STK36: variants seen among roughly 807,000 people sequenced by gnomAD.
The protein encoded by STK36 is serine/threonine kinase 36.
A neutral mutation model predicts 142.2 loss-of-function variants in STK36; 116 were observed. The observed-to-expected ratio is 0.82, with a 90% CI of 0.70 to 0.95. STK36 has a LOEUF of 0.95. Among genes scored for constraint, STK36 ranks in the 40% least tolerant of loss-of-function variants. The pLI, the probability that STK36 is intolerant of heterozygous loss-of-function variation, is 0.00. For missense variants in STK36, 1,422 were observed against 1,617.2 expected, an observed-to-expected ratio of 0.88 and a Z score of 2.07; for synonymous variants, 619 against 641.7, an observed-to-expected ratio of 0.96 and a Z score of 0.53.
intron 10 of STK36, among the ~76,000 whole-genome samples, chr2:218,683,501 C>T (rs1469904207): frequency 1.3e-5 from 2 of 152,262 alleles, no homozygotes; most frequent in Middle Eastern, 3.4e-3. Flanking sequence ...TCTCGAACTC[C>T]TGACCTTGTG....
At position 218,679,608 on chromosome 2, in the gene STK36, G is replaced by A. The variant is rs144827149; in HGVS notation, c.827G>A (p.Arg276His). The part of the protein sequence containing the change: ...GPDLGTPFTS[R>H]LPPELQVLKD... ...GATTTGGGGACCCCATTCACCAGCC[G>A]CCTACCCCCAGAACTTCAGGTCCTA... Residue 276 changes from arginine to histidine, a missense_variant, in exon 8 of 27, where the codon CGC (arginine) becomes CAC (histidine). Coordinates refer to ENST00000295709, the MANE Select transcript of STK36 (RefSeq NM_015690.5). 103 of 1,613,926 alleles carry A rather than the reference G, an allele frequency of 6.4e-5. 1 individual carries two copies. The highest frequency in any genetic ancestry group is 3.7e-4 in the South Asian group (34 of 91,070).
At chr2:218,679,119 C>CT (rs754646375) in intron 6 of STK36, 49 bp from the exon 7 acceptor site, 1 of 1,568,824 alleles carries the variant, frequency 6.4e-7, no homozygotes, top group South Asian at 1.1e-5. Flanking sequence ...TAGAGAGAGA[C>CT]TTAAGGGAAG....
At chr2:218,696,646 C>T (rs1299843787) in intron 22 of STK36, 45 bp downstream of exon 22, 1 of 1,598,048 alleles carries the variant, frequency 6.3e-7, no homozygotes, top group Admixed American at 1.7e-5. Context: ...GAGAGAGGAA[C>T]TGGGCATTTT....
chr2:218,673,331 T>A, intron 2 of STK36: 1 of 430,272 alleles, frequency 2.3e-6, no homozygotes, highest in Non-Finnish European at 4.1e-6. Context: ...CCTCTTCATT[T>A]TTTTTTTCCT....
Position 218,694,353 on chromosome 2 carries a change from C to G in STK36, c.2400+26C>G, listed in dbSNP as rs2556392. The G allele has an allele frequency of 6.2e-6, 10 of 1,602,232 alleles. No homozygotes were observed. Among genetic ancestry groups the G allele is most frequent in the Admixed American group, 1.7e-5 (1 of 60,014 alleles). Reference sequence around the variant, plus strand: ...GTAAGTTTTTAACCTTCACCCTCCTCCCCTTTTCACCCTAGCATCTACCCC... The same window carrying G: ...GTAAGTTTTTAACCTTCACCCTCCTGCCCTTTTCACCCTAGCATCTACCCC... On this transcript the variant is annotated intron_variant, in intron 20 of 26. Coordinates refer to ENST00000295709, the MANE Select transcript of STK36 (RefSeq NM_015690.5). The surrounding 1 kb of genome is among the most constrained non-coding windows in gnomAD (Gnocchi z 4.4).
In STK36 at chr2:218,679,640, G is replaced by T; in HGVS notation, c.859G>T (p.Glu287Ter). The T allele has an allele frequency of 6.2e-7, 1 of 1,614,144 alleles. No individual in the cohort carries two copies. Among genetic ancestry groups the T allele is most frequent in the Non-Finnish European group, 8.5e-7 (1 of 1,180,018 alleles). Reference protein sequence around the residue: ...LPPELQVLKDEQAHRLAPKGN... With the variant: ...LPPELQVLKD ...CCCAGAACTTCAGGTCCTAAAGGAC[G>T]AACAGGCCCATCGGTTGGCCCCCAA... Residue 287 changes from glutamate to a stop codon, truncating the protein, a stop_gained, in exon 8 of 27, where the codon GAA (glutamate) becomes TAA (stop). Coordinates refer to ENST00000295709, the MANE Select transcript of STK36 (RefSeq NM_015690.5). LOFTEE classifies it high-confidence loss of function.
At chr2:218,676,808 C>T (rs1313713451) in intron 6 of STK36, among the ~76,000 whole-genome samples, 1 of 151,852 alleles carries the variant, frequency 6.6e-6, no homozygotes, top group African/African-American at 2.4e-5. Flanking sequence ...ACCACGACAC[C>T]CGGCTAATTT....
intron 13 of STK36, 90 bp downstream of exon 13, chr2:218,690,046 GA>G (rs766865370): frequency 1.3e-5 from 16 of 1,211,576 alleles, no homozygotes; most frequent in Non-Finnish European, 1.8e-5. Flanking sequence ...GGCCAAGTAT[GA>G]AGAAGCTGTG....
At chr2:218,685,014 T>A in intron 10 of STK36, 71 bp from the exon 11 acceptor site, 1 of 1,583,198 alleles carries the variant, frequency 6.3e-7, no homozygotes, top group Non-Finnish European at 8.6e-7. Context: ...CCCCATGGTT[T>A]CTACTGGTTG....
Position 218,694,550 on chromosome 2 carries a change from A to G in STK36, c.2426A>G (p.Gln809Arg). ...AGTGCAGCAGCCTGTCTATTGGGAC[A>G]GCTTGGTCAGCAAGGGGTGACCTTT... is the stretch of plus-strand genomic sequence containing the variant. ...LVSAAACLLGQLGQQGVTFDL... is the reference protein window; with the variant it reads ...LVSAAACLLGRLGQQGVTFDL... The change falls in exon 21 of 27, where the codon CAG (glutamine) becomes CGG (arginine). Residue 809 changes from glutamine to arginine, a missense_variant. Transcript: ENST00000295709. This position sits in a 1 kb window ranked among gnomAD's most constrained non-coding sequence, Gnocchi z 4.4. 6.2e-7 allele frequency: 1 copy of G among 1,614,210 alleles called. No homozygotes were observed.
intron 10 of STK36, among the ~76,000 whole-genome samples, chr2:218,682,556 G>C (rs1463015835): frequency 5.3e-5 from 8 of 151,774 alleles, no homozygotes; most frequent in African/African-American, 1.9e-4. Context: ...TTTTTTTTCT[G>C]CTCCATGATC....
intron 9 of STK36, 136 bp downstream of exon 9, chr2:218,680,216 G>A (rs1940452774): frequency 3.9e-6 from 3 of 774,606 alleles, no homozygotes; most frequent in South Asian, 4.1e-5. Flanking sequence ...TCTGAGTCCT[G>A]GATTCTTGGA....
rs143073615 is a variant in STK36, at chr2:218,689,909, C to A, written c.1611C>A (p.Ala537=). The change falls in exon 13 of 27, where the codon GCC becomes GCA. Residue 537 remains alanine, a synonymous_variant. Coordinates refer to ENST00000295709, the MANE Select transcript of STK36 (RefSeq NM_015690.5). ...AGGACCTGATGGCTGTGATTCAGGC[C>A]TACTTTGCCTGTACCTTCAATCTGG... ...FLQDLMAVIQ[A]YFACTFNLER... is the part of the protein sequence containing the mutation. 20 of 1,607,202 alleles carry A rather than the reference C, an allele frequency of 1.2e-5. No individual in the cohort carries two copies. The highest frequency in any genetic ancestry group is 1.7e-5 in the Non-Finnish European group (20 of 1,176,522).
chr2:218,697,699 A>G (rs554599479), intron 24 of STK36, 89 bp downstream of exon 24: 1 of 1,594,368 alleles, frequency 6.3e-7, no homozygotes, highest in African/African-American at 1.3e-5. Flanking sequence ...AGATTGAGCT[A>G]TAAAGCAAGA....
intron 4 of STK36, 108 bp from the exon 5 acceptor site, chr2:218,675,235 A>T (rs1940179753): frequency 3.3e-6 from 4 of 1,224,352 alleles, no homozygotes; most frequent in Non-Finnish European, 4.5e-6. Context: ...TCTGCAAGAA[A>T]GGGAAGGAAG....
chr2:218,692,331 T>C (rs1412166888), intron 15 of STK36, 38 bp downstream of exon 15: 1 of 1,611,858 alleles, frequency 6.2e-7, no homozygotes, highest in Non-Finnish European at 8.5e-7. Context: ...CTTGACTTAC[T>C]TGTTGCATAG....
At position 218,689,937 on chromosome 2, in the gene STK36, A is replaced by C. The variant is rs373345345; in HGVS notation, c.1639A>C (p.Arg547=). ...CTTTGCCTGTACCTTCAATCTGGAG[A>C]GGAGCCAGACAAGTGACAGGTAGGA... The part of the protein sequence containing the change: ...AYFACTFNLE[R]SQTSDSLQVF... The change falls in exon 13 of 27, where the codon AGG becomes CGG. Residue 547 remains arginine, a synonymous_variant. Transcript: ENST00000295709. The C allele has an allele frequency of 4.4e-6, 7 of 1,596,156 alleles. No individual in the cohort carries two copies. Among genetic ancestry groups the C allele is most frequent in the Non-Finnish European group, 2.6e-6 (3 of 1,170,166 alleles).
At position 218,676,429 on chromosome 2, in the gene STK36, C is replaced by G. The variant is rs537862613; in HGVS notation, c.684+151C>G. 290 of 1,038,226 alleles carry G rather than the reference C, an allele frequency of 2.8e-4. 1 individual carries two copies. The highest frequency in any genetic ancestry group is 3.7e-4 in the Non-Finnish European group (272 of 730,836). 64.3% of individuals were successfully genotyped at this position (1,038,226 alleles called of 1,614,324 possible). A position where few individuals can be genotyped will look rare whatever the true frequency, so the allele number is the denominator to read the frequency against. On this transcript the variant is annotated intron_variant, in intron 6 of 26. Coordinates refer to ENST00000295709, the MANE Select transcript of STK36 (RefSeq NM_015690.5). The stretch of plus-strand genomic sequence containing the variant: ...GTTATTCTGTTCTCGCATTGCTATA[C>G]AGAACCACCTGAGACTGGGTATTTT...
chr2:218,679,525 C>T (rs1940407449), intron 7 of STK36, 35 bp from the exon 8 acceptor site: 2 of 1,600,414 alleles, frequency 1.2e-6, no homozygotes, highest in Non-Finnish European at 1.7e-6. Flanking sequence ...CTATGGCCCC[C>T]ATGATCATGT....
Sources: allele counts gnomAD v4.1 joint callset (sites outside exome capture counted in the v4.1 genomes callset), GRCh38; gene constraint gnomAD v4.1.1; non-coding constraint Gnocchi (gnomAD v3.1); transcripts MANE v1.5; gene names NCBI Gene and HGNC (gene_info 2026-07-23, HGNC 2026-07-21).